The following CSMD1 variants were observed in gnomAD, a reference collection of about 807,000 sequenced individuals.
The protein encoded by CSMD1 is CUB and sushi domain-containing protein 1.
A neutral mutation model predicts 417.5 loss-of-function variants in CSMD1; 213 were observed. The ratio of observed to expected loss-of-function variants is 0.51; its 90% CI spans 0.46 to 0.57. The LOEUF (loss-of-function observed/expected upper bound fraction) is 0.57. Among genes scored for constraint, CSMD1 ranks in the 20% least tolerant of loss-of-function variants. The pLI, the probability that CSMD1 is intolerant of heterozygous loss-of-function variation, is 0.00. For missense variants in CSMD1, 6,923 were observed against 4,529.7 expected (o/e 1.53, Z -15.17); for synonymous variants, 2,862 against 1,736.8 (o/e 1.65, Z -16.11).
chr8:3,403,846 C>G (rs918200364), intron 15 of CSMD1, among the ~76,000 whole-genome samples: 2 of 152,110 alleles, frequency 1.3e-5, no homozygotes, highest in Admixed American at 1.3e-4. Context: ...GAAAACCTAC[C>G]CATTTATTAA....
At chr8:4,747,978 T>C (rs1176546894) in intron 1 of CSMD1, among the ~76,000 whole-genome samples, 11 of 152,218 alleles carry the variant, frequency 7.2e-5, no homozygotes, top group Non-Finnish European at 1.2e-4. Context: ...ACACCGTATA[T>C]TGGCTCTGCT....
intron 26 of CSMD1, among the ~76,000 whole-genome samples, chr8:3,266,604 C>CAAAAAAAAAAAA (rs60439183): frequency 7.8e-5 from 2 of 25,508 alleles, no homozygotes; most frequent in African/African-American, 3.7e-4. Context: ...GACTCCCTCT[C>CAAAAAAAAAAAA]AAAAAAAAAA....
At chr8:3,624,787 G>C (rs1363116852) in intron 7 of CSMD1, among the ~76,000 whole-genome samples, 1 of 152,132 alleles carries the variant, frequency 6.6e-6, no homozygotes, top group Non-Finnish European at 1.5e-5. Flanking sequence ...TGTCAACAAT[G>C]ACAGCTTTTT....
intron 5 of CSMD1, among the ~76,000 whole-genome samples, chr8:3,852,011 C>G (rs995168636): frequency 6.6e-6 from 1 of 152,030 alleles, no homozygotes; most frequent in South Asian, 2.1e-4. Flanking sequence ...CTGCAATCAC[C>G]GGTGAGGACA....
intron 5 of CSMD1, among the ~76,000 whole-genome samples, chr8:3,756,613 T>C (rs1797674637): frequency 1.3e-5 from 2 of 152,176 alleles, no homozygotes; most frequent in African/African-American, 4.8e-5. Context: ...CAATCCCCTG[T>C]AAGTTTCCAT....
At chr8:3,461,890 C>G (rs1390256764) in intron 12 of CSMD1, among the ~76,000 whole-genome samples, 3 of 152,218 alleles carry the variant, frequency 2.0e-5, no homozygotes, top group African/African-American at 7.2e-5. Flanking sequence ...CAGCATCGCC[C>G]TGCTGCAGAA....
chr8:3,559,957 C>G (rs554800242), intron 10 of CSMD1, among the ~76,000 whole-genome samples: 43 of 152,148 alleles, frequency 2.8e-4, no homozygotes, highest in African/African-American at 9.9e-4. Flanking sequence ...AGGAGGAAAG[C>G]CGTGCGGAAT....
At chr8:3,309,730 T>C (rs1046434640) in intron 23 of CSMD1, among the ~76,000 whole-genome samples, 1 of 152,244 alleles carries the variant, frequency 6.6e-6, no homozygotes, top group Admixed American at 6.5e-5. Context: ...TTGAAATGAA[T>C]TTGTGACTTC....
chr8:3,705,905 A>G (rs1413665611), intron 7 of CSMD1, among the ~76,000 whole-genome samples: 4 of 152,216 alleles, frequency 2.6e-5, no homozygotes, highest in Non-Finnish European at 5.9e-5. Flanking sequence ...CAGACAGAAG[A>G]TGAAATCCTC....
At chr8:4,435,771 T>G (rs1440663445) in intron 2 of CSMD1, among the ~76,000 whole-genome samples, 2 of 152,124 alleles carry the variant, frequency 1.3e-5, no homozygotes, top group African/African-American at 4.8e-5. Context: ...TACCATACCT[T>G]TGACAGCTAA....
chr8:3,568,866 T>C (rs940114274), intron 10 of CSMD1, among the ~76,000 whole-genome samples: 1 of 152,106 alleles, frequency 6.6e-6, no homozygotes, highest in Non-Finnish European at 1.5e-5. Flanking sequence ...CAGTAGAAGG[T>C]AGGTCCTTCA....
intron 2 of CSMD1, among the ~76,000 whole-genome samples, chr8:4,622,800 G>T (rs1801859165): frequency 1.3e-5 from 2 of 152,056 alleles, no homozygotes; most frequent in South Asian, 4.1e-4. Flanking sequence ...AAAAGAAGAA[G>T]GCACAAAAGG....
chr8:3,499,590 G>A (rs57651952), intron 10 of CSMD1, among the ~76,000 whole-genome samples: 17 of 152,160 alleles, frequency 1.1e-4, no homozygotes, highest in African/African-American at 3.4e-4. Context: ...CTTGTTGGTA[G>A]TGTGCCTCAA....
chr8:4,290,316 G>T (rs1004439018), intron 3 of CSMD1, among the ~76,000 whole-genome samples: 7 of 152,048 alleles, frequency 4.6e-5, no homozygotes, highest in Admixed American at 1.3e-4. Flanking sequence ...ATTTCAGATG[G>T]TCGTGTTTGA....
chr8:4,408,215 C>G (rs996498802), intron 3 of CSMD1, among the ~76,000 whole-genome samples: 1 of 152,192 alleles, frequency 6.6e-6, no homozygotes, highest in African/African-American at 2.4e-5. Flanking sequence ...AGGCCCCAGG[C>G]CATTCCTCCT....
At chr8:2,960,393 GGAA>G (rs771244898) in intron 62 of CSMD1, among the ~76,000 whole-genome samples, 13 of 152,284 alleles carry the variant, frequency 8.5e-5, no homozygotes, top group Admixed American at 3.9e-4. Context: ...AAGTGGCTGA[GGAA>G]GAAGGTTTTT....
intron 3 of CSMD1, among the ~76,000 whole-genome samples, chr8:4,312,787 T>C (rs1018964224): frequency 2.6e-5 from 4 of 152,056 alleles, no homozygotes; most frequent in Non-Finnish European, 4.4e-5. Context: ...AGCAGGATAA[T>C]TGCTTGAACC....
chr8:3,083,430 T>C (rs1814252616), intron 49 of CSMD1, among the ~76,000 whole-genome samples: 1 of 150,682 alleles, frequency 6.6e-6, no homozygotes, highest in African/African-American at 2.4e-5. Flanking sequence ...AGCCTCAAAA[T>C]AACTTTTCGA....
chr8:3,336,049 C>T (rs1249751087), intron 23 of CSMD1, among the ~76,000 whole-genome samples: 4 of 152,148 alleles, frequency 2.6e-5, no homozygotes, highest in East Asian at 1.9e-4. Flanking sequence ...TTGAGGTTAA[C>T]GTACAAAGTG....
Sources: allele counts gnomAD v4.1 joint callset (sites outside exome capture counted in the v4.1 genomes callset), GRCh38; gene constraint gnomAD v4.1.1; transcripts MANE v1.5; gene names NCBI Gene and HGNC (gene_info 2026-07-23, HGNC 2026-07-21).